AP3B1: variants seen among roughly 807,000 people sequenced by gnomAD.
The protein encoded by AP3B1 is AP-3 complex subunit beta-1.
In AP3B1, 61 loss-of-function variants were observed where a neutral mutation model predicts 132.5. The observed-to-expected ratio is 0.46, with a 90% CI of 0.37 to 0.57. The LOEUF (loss-of-function observed/expected upper bound fraction) is 0.57. Among genes scored for constraint, AP3B1 ranks in the 20% least tolerant of loss-of-function variants. The probability of loss-of-function intolerance (pLI) is 0.00; values close to 1 mark genes in which losing one functional copy is unlikely to be tolerated. For missense variants in AP3B1, 1,120 were observed against 1,289.4 expected (o/e 0.87, Z 2.01); for synonymous variants, 388 against 438.3 (o/e 0.89, Z 1.43).
chr5:78,144,127 C>T (rs1580403689), intron 14 of AP3B1, among the ~76,000 whole-genome samples: 2 of 152,210 alleles, frequency 1.3e-5, no homozygotes, highest in East Asian at 3.9e-4. Context: ...GACACAGGTA[C>T]AGACACACAC....
intron 17 of AP3B1, among the ~76,000 whole-genome samples, chr5:78,120,916 A>G (rs1752155564): frequency 6.6e-6 from 1 of 152,242 alleles, no homozygotes; most frequent in East Asian, 1.9e-4. Context: ...CACCACACCT[A>G]TTCCAAAATT....
intron 2 of AP3B1, among the ~76,000 whole-genome samples, chr5:78,257,981 C>T (rs573533647): frequency 6.6e-6 from 1 of 152,266 alleles, no homozygotes; most frequent in South Asian, 2.1e-4. Flanking sequence ...AATTAGATCC[C>T]TATCTCTCAG....
intron 26 of AP3B1, among the ~76,000 whole-genome samples, chr5:78,009,051 T>C (rs1746507437): frequency 6.6e-6 from 1 of 152,184 alleles, no homozygotes; most frequent in Non-Finnish European, 1.5e-5. Flanking sequence ...CTACACATTA[T>C]AGATCTTTTT....
chr5:78,193,730 T>TTGTG (rs1317028334), intron 7 of AP3B1, among the ~76,000 whole-genome samples: 19 of 107,998 alleles, frequency 1.8e-4, no homozygotes, highest in African/African-American at 6.0e-4. Context: ...TTTTAAATAT[T>TTGTG]TGTATATATT....
intron 17 of AP3B1, among the ~76,000 whole-genome samples, chr5:78,122,345 A>G (rs1395550027): frequency 1.3e-5 from 2 of 152,244 alleles, no homozygotes; most frequent in Non-Finnish European, 2.9e-5. Flanking sequence ...AGTTCTGGCC[A>G]GGGCAGTTAG....
chr5:78,097,745 C>T (rs1750935300), intron 21 of AP3B1, among the ~76,000 whole-genome samples: 2 of 152,172 alleles, frequency 1.3e-5, no homozygotes, highest in Non-Finnish European at 1.5e-5. Context: ...GTGAGGAGCC[C>T]CTCTGCCCGG....
At chr5:78,201,403 T>A (rs1227287344) in intron 7 of AP3B1, among the ~76,000 whole-genome samples, 1 of 152,206 alleles carries the variant, frequency 6.6e-6, no homozygotes, top group African/African-American at 2.4e-5. Flanking sequence ...GCCCAGTATT[T>A]ATTAATATGA....
intron 7 of AP3B1, among the ~76,000 whole-genome samples, chr5:78,215,538 TGAAGA>T (rs1745924842): frequency 1.3e-5 from 2 of 152,120 alleles, no homozygotes; most frequent in Admixed American, 6.5e-5. Flanking sequence ...CCAGCTAAAG[TGAAGA>T]GAAGAACACA....
At chr5:78,144,847 T>G (rs199712358) in intron 14 of AP3B1, among the ~76,000 whole-genome samples, 3 of 116,148 alleles carry the variant, frequency 2.6e-5, no homozygotes, top group African/African-American at 8.5e-5. Flanking sequence ...TGTTGTTGTT[T>G]TTTAAAGACA....
intron 17 of AP3B1, among the ~76,000 whole-genome samples, chr5:78,120,885 T>A (rs1296523227): frequency 2.0e-5 from 3 of 152,158 alleles, no homozygotes; most frequent in Admixed American, 2.0e-4. Flanking sequence ...ATCAACAGAA[T>A]ATACATTCTT....
At chr5:78,049,441 T>C (rs899850901) in intron 22 of AP3B1, among the ~76,000 whole-genome samples, 1 of 152,194 alleles carries the variant, frequency 6.6e-6, no homozygotes, top group Non-Finnish European at 1.5e-5. Context: ...AGGAGTATGA[T>C]ACAGAGACAA....
intron 13 of AP3B1, among the ~76,000 whole-genome samples, chr5:78,159,841 C>CT (rs1743315555): frequency 6.6e-6 from 1 of 152,220 alleles, no homozygotes; most frequent in Non-Finnish European, 1.5e-5. Context: ...GACCTCAGCA[C>CT]TTTGGTGCTA....
At chr5:78,164,390 G>C (rs1404776569) in intron 12 of AP3B1, among the ~76,000 whole-genome samples, 1 of 152,000 alleles carries the variant, frequency 6.6e-6, no homozygotes, top group Non-Finnish European at 1.5e-5. Flanking sequence ...GGTCTAGTAT[G>C]TGCCCTCTAT....
chr5:78,105,683 T>C (rs1422739853), intron 20 of AP3B1, among the ~76,000 whole-genome samples: 1 of 152,220 alleles, frequency 6.6e-6, no homozygotes, highest in East Asian at 1.9e-4. Flanking sequence ...ATACTAAAAA[T>C]ATTTCTCAAT....
At chr5:78,289,169 T>C (rs1749405642) in intron 1 of AP3B1, among the ~76,000 whole-genome samples, 1 of 152,194 alleles carries the variant, frequency 6.6e-6, no homozygotes, top group Admixed American at 6.5e-5. Context: ...CATTTCTATA[T>C]GCCTTTCAGA....
At chr5:78,041,573 A>C (rs1355183538) in intron 22 of AP3B1, among the ~76,000 whole-genome samples, 3 of 151,600 alleles carry the variant, frequency 2.0e-5, no homozygotes, top group Non-Finnish European at 1.5e-5. Flanking sequence ...AAAAAATAAT[A>C]ATAATAAAAT....
chr5:78,187,454 T>C (rs1036896996), intron 7 of AP3B1, among the ~76,000 whole-genome samples: 4 of 152,216 alleles, frequency 2.6e-5, no homozygotes, highest in African/African-American at 9.6e-5. Flanking sequence ...TTAATTAACA[T>C]ACTGAGTTCA....
At chr5:78,138,197 G>A (rs1007258295) in intron 15 of AP3B1, among the ~76,000 whole-genome samples, 4 of 152,318 alleles carry the variant, frequency 2.6e-5, no homozygotes, top group East Asian at 1.9e-4. Flanking sequence ...TGGGTGCAGT[G>A]GCTCACGCCT....
intron 19 of AP3B1, among the ~76,000 whole-genome samples, chr5:78,110,864 T>C (rs1478330237): frequency 6.6e-6 from 1 of 151,420 alleles, no homozygotes; most frequent in Non-Finnish European, 1.5e-5. Context: ...GCTCAAGCGA[T>C]GCTCCCATTT....
Sources: allele counts gnomAD v4.1 joint callset (sites outside exome capture counted in the v4.1 genomes callset), GRCh38; gene constraint gnomAD v4.1.1; transcripts MANE v1.5; gene names NCBI Gene and HGNC (gene_info 2026-07-23, HGNC 2026-07-21).